Variants in PKNOX1 observed in about 807,000 individuals in gnomAD.
PKNOX1 encodes the protein homeobox protein PKNOX1.
PKNOX1 carries 15 observed loss-of-function variants against 51.9 expected under a neutral mutation model. The observed-to-expected ratio is 0.29, with a 90% CI of 0.19 to 0.45. The LOEUF (loss-of-function observed/expected upper bound fraction) is 0.45, where lower values mean the gene tolerates loss of function less well. Ranked by LOEUF, PKNOX1 falls within the 20% of genes least tolerant of loss-of-function variation. The pLI, the probability that PKNOX1 is intolerant of heterozygous loss-of-function variation, is 1.00. For synonymous variants in PKNOX1, 219 were observed against 211.1 expected (o/e 1.04, Z -0.32); for missense variants, 462 against 547.5 (o/e 0.84, Z 1.56).
chr21:43,009,232 G>T (rs1979132885), intron 3 of PKNOX1, among the ~76,000 whole-genome samples: 1 of 152,146 alleles, frequency 6.6e-6, no homozygotes. Flanking sequence ...TGGATCATCT[G>T]AGGTCAGGAG....
intron 1 of PKNOX1, among the ~76,000 whole-genome samples, chr21:42,985,501 A>T (rs2146229205): frequency 6.6e-6 from 1 of 151,748 alleles, no homozygotes; most frequent in East Asian, 2.0e-4. Context: ...CACCTGGCTC[A>T]TTTTTGTGTT....
rs376663069 is a variant in PKNOX1, at chr21:42,997,782, C to G, written c.-56-6544C>G. Among the ~76,000 whole-genome samples the G allele has an allele frequency of 5.3e-5, 8 of 152,246 alleles. No individual in the cohort carries two copies. The South Asian group carries it at 6.2e-4, about 12-fold the overall frequency. On this transcript the variant is annotated intron_variant, in intron 1 of 10. Coordinates refer to ENST00000291547, the MANE Select transcript of PKNOX1 (RefSeq NM_004571.5). The stretch of plus-strand genomic sequence containing the variant: ...TGCATGTTCTCCACCTAGCCATGCC[C>G]AGAGGGAAGTGTGTCTGGGCAGAAC...
chr21:42,978,110 A>G (rs1046012198), intron 1 of PKNOX1, among the ~76,000 whole-genome samples: 1 of 151,992 alleles, frequency 6.6e-6, no homozygotes, highest in African/African-American at 2.4e-5. Flanking sequence ...GGTGCAAGCA[A>G]TTCTCTTGCC....
intron 8 of PKNOX1, among the ~76,000 whole-genome samples, chr21:43,023,394 T>G (rs547771525): frequency 6.6e-6 from 1 of 152,158 alleles, no homozygotes; most frequent in South Asian, 2.1e-4. Flanking sequence ...GCACTCAGTG[T>G]TCCTTTCACG....
At chr21:43,001,986 A>AATAAAT (rs1302574326) in intron 1 of PKNOX1, among the ~76,000 whole-genome samples, 1 of 107,614 alleles carries the variant, frequency 9.3e-6, no homozygotes, top group Non-Finnish European at 2.1e-5. Flanking sequence ...TAAATAAATA[A>AATAAAT]AAATAAAAAT....
intron 1 of PKNOX1, among the ~76,000 whole-genome samples, chr21:42,977,140 A>G (rs751075374): frequency 6.6e-6 from 1 of 152,166 alleles, no homozygotes; most frequent in Non-Finnish European, 1.5e-5. Flanking sequence ...ATATTCAGTA[A>G]TGTGTTATTC....
chr21:42,999,652 C>T (rs748357382), intron 1 of PKNOX1, among the ~76,000 whole-genome samples: 19 of 151,950 alleles, frequency 1.3e-4, no homozygotes, highest in Admixed American at 1.3e-4. Flanking sequence ...GGCTAATTTT[C>T]GTATTTTTAG....
rs1980338245 is a variant in PKNOX1 at position 43,032,864 on chromosome 21, A to G, written c.*2763A>G. 6.6e-6 allele frequency: 1 copy of G among 152,238 alleles called. No individual in the cohort carries two copies. Among genetic ancestry groups the G allele is most frequent in the African/African-American group, 2.4e-5 (1 of 41,462 alleles). The allele number at this position is 152,238 out of a possible 1,614,324, so 9.4% of individuals were successfully genotyped here. On this transcript the variant is annotated 3_prime_UTR_variant, in exon 11 of 11. Coordinates refer to ENST00000291547, the MANE Select transcript of PKNOX1 (RefSeq NM_004571.5). Reference sequence around the variant, plus strand: ...CAATGGGTGCTTTTAACTAGCTTCTACATGGCAAGCTGTTTCAGTTTGCAA... The same window carrying G: ...CAATGGGTGCTTTTAACTAGCTTCTGCATGGCAAGCTGTTTCAGTTTGCAA...
At chr21:42,996,006 G>A (rs1289657147) in intron 1 of PKNOX1, among the ~76,000 whole-genome samples, 2 of 152,088 alleles carry the variant, frequency 1.3e-5, no homozygotes, top group African/African-American at 4.8e-5. Context: ...TTGAGGCCAG[G>A]AGCTTGAGAC....
At chr21:43,005,492 C>T (rs932016503) in intron 2 of PKNOX1, among the ~76,000 whole-genome samples, 17 of 151,338 alleles carry the variant, frequency 1.1e-4, no homozygotes, top group African/African-American at 4.1e-4. Flanking sequence ...CAGCCTGCTT[C>T]CTTAGCCTAG....
chr21:43,019,346 G>A (rs545631857), intron 7 of PKNOX1, among the ~76,000 whole-genome samples: 4 of 150,714 alleles, frequency 2.7e-5, no homozygotes, highest in South Asian at 2.1e-4. Flanking sequence ...AGCCGAGATC[G>A]TGCCACAGCA....
At chr21:43,023,333 A>G (rs1226704248) in intron 8 of PKNOX1, among the ~76,000 whole-genome samples, 1 of 152,116 alleles carries the variant, frequency 6.6e-6, no homozygotes, top group Non-Finnish European at 1.5e-5. Flanking sequence ...CTGCTGAGGC[A>G]CATCTGAGGC....
chr21:43,032,338 C>T lies in PKNOX1; in HGVS notation c.*2237C>T, dbSNP rs1225116047. The T allele has an allele frequency of 2.0e-5, 8 of 396,776 alleles. No individual in the cohort carries two copies. The highest frequency in any genetic ancestry group is 8.3e-5 in the Admixed American group (3 of 36,058). 24.6% of individuals were successfully genotyped at this position (396,776 alleles called of 1,614,324 possible). ...CTTCCCTCACCACCCTCCGTCTCTTCGGCTGCTTGCTCTTTAGTGTAGATT... is the reference window on the plus strand; with the variant it reads ...CTTCCCTCACCACCCTCCGTCTCTTTGGCTGCTTGCTCTTTAGTGTAGATT... On this transcript the variant is annotated 3_prime_UTR_variant, in exon 11 of 11. Coordinates refer to ENST00000291547, the MANE Select transcript of PKNOX1 (RefSeq NM_004571.5).
At chr21:43,025,858 A>G (rs1220126062) in intron 9 of PKNOX1, among the ~76,000 whole-genome samples, 1 of 152,144 alleles carries the variant, frequency 6.6e-6, no homozygotes, top group Non-Finnish European at 1.5e-5. Context: ...TGTGTGCGGG[A>G]GGTATGCTTC....
intron 1 of PKNOX1, among the ~76,000 whole-genome samples, chr21:42,990,303 G>T (rs1235878478): frequency 6.6e-6 from 1 of 152,118 alleles, no homozygotes; most frequent in Non-Finnish European, 1.5e-5. Flanking sequence ...GATCCACTGT[G>T]GCTTCCTGGA....
chr21:42,974,842 G>GA (rs2058983647), intron 1 of PKNOX1, among the ~76,000 whole-genome samples, 178 bp downstream of exon 1: 1 of 148,520 alleles, frequency 6.7e-6, no homozygotes, highest in Non-Finnish European at 1.5e-5. Context: ...GGGGCGGGGA[G>GA]GGGGCGCGGG....
chr21:42,991,665 C>T (rs1401525841), intron 1 of PKNOX1, among the ~76,000 whole-genome samples: 1 of 151,238 alleles, frequency 6.6e-6, no homozygotes, highest in Non-Finnish European at 1.5e-5. Flanking sequence ...GAGGCGGAGG[C>T]GGAGCTTGCG....
In PKNOX1 at chr21:43,018,237, G is replaced by A; in HGVS notation, c.720+7G>A. The A allele has an allele frequency of 6.2e-7, 1 of 1,603,592 alleles. No homozygotes were observed. Among genetic ancestry groups the A allele is most frequent in the Admixed American group, 1.7e-5 (1 of 59,968 alleles). Reference sequence around the variant, plus strand: ...TAGGATCCAGAACTCCCAGGTGCGTGCGCCATTTTATGGAAGGCTTTGGGG... The same window carrying A: ...TAGGATCCAGAACTCCCAGGTGCGTACGCCATTTTATGGAAGGCTTTGGGG... On this transcript the variant is annotated splice_region_variant and intron_variant, in intron 7 of 10. Coordinates refer to ENST00000291547, the MANE Select transcript of PKNOX1 (RefSeq NM_004571.5).
At chr21:42,986,423 C>G (rs370385801) in intron 1 of PKNOX1, among the ~76,000 whole-genome samples, 118 of 152,128 alleles carry the variant, frequency 7.8e-4, no homozygotes, top group African/African-American at 2.7e-3. Context: ...ATCCCTTGAA[C>G]CTGGGTGGTG....
Sources: gnomAD v4.1 joint callset for allele counts (sites outside exome capture counted in the v4.1 genomes callset) on GRCh38, gnomAD v4.1.1 for gene constraint, MANE v1.5 for transcripts, NCBI Gene and HGNC (gene_info 2026-07-23, HGNC 2026-07-21) for gene names.